Variants in SERAC1 observed in about 807,000 individuals in gnomAD.
SERAC1 encodes the protein protein SERAC1.
Under a neutral mutation model 85.7 loss-of-function variants are expected in SERAC1, and 36 were observed. The ratio of observed to expected loss-of-function variants is 0.42; its 90% CI spans 0.32 to 0.55. The LOEUF is 0.55. Among genes scored for constraint, SERAC1 ranks in the 20% least tolerant of loss-of-function variants. The pLI, the probability that SERAC1 is intolerant of heterozygous loss-of-function variation, is 0.11. For missense variants in SERAC1, 629 were observed against 796.2 expected (o/e 0.79, Z 2.53); for synonymous variants, 242 against 265.3 (o/e 0.91, Z 0.85).
chr6:158,160,528 T>G (rs1355800384), intron 1 of SERAC1, among the ~76,000 whole-genome samples: 1 of 152,214 alleles, frequency 6.6e-6, no homozygotes, highest in Non-Finnish European at 1.5e-5. Flanking sequence ...TCCTTGCCAG[T>G]TTTCTAAGTA....
rs756088574 is a variant in SERAC1, at chr6:158,114,970, A to T, written c.1503T>A (p.Gly501=). ...CCAACAGCATCTTTTTGACAAGAAG[A>T]CCTAGCCACAGACAAGGGAAAAAAA... is the stretch of plus-strand genomic sequence containing the variant. ...PVVWISHSMG[G]LLVKKMLLEA... is the part of the protein sequence containing the mutation. Residue 501 remains glycine (G), a splice_region_variant and synonymous_variant, in exon 15 of 17, where the codon GGT becomes GGA. Coordinates refer to ENST00000647468, the MANE Select transcript of SERAC1 (RefSeq NM_032861.4). 6.2e-7 allele frequency: 1 copy of T among 1,608,814 alleles called. No individual in the cohort carries two copies.
intron 1 of SERAC1, among the ~76,000 whole-genome samples, chr6:158,166,446 T>C (rs1352771140): frequency 6.6e-6 from 1 of 151,780 alleles, no homozygotes; most frequent in Non-Finnish European, 1.5e-5. Context: ...AGACCTTATT[T>C]TTCTTCTTCT....
chr6:158,126,553 TA>T (rs1394430083), intron 10 of SERAC1, among the ~76,000 whole-genome samples: 1 of 152,044 alleles, frequency 6.6e-6, no homozygotes, highest in Non-Finnish European at 1.5e-5. Flanking sequence ...TGCTAAAAAG[TA>T]ACTGCAGAGG....
intron 15 of SERAC1, chr6:158,114,515 TAAAAGC>T (rs1392864284): frequency 5.0e-6 from 6 of 1,193,786 alleles, no homozygotes; most frequent in Non-Finnish European, 5.2e-6. Flanking sequence ...GAATAATACT[TAAAAGC>T]AAAACATTAT....
intron 13 of SERAC1, chr6:158,116,871 C>T (rs1784302478): frequency 1.3e-5 from 2 of 152,752 alleles, no homozygotes; most frequent in Non-Finnish European, 2.9e-5. Context: ...TTTAGAAAAA[C>T]TAGAATGAGT....
intron 1 of SERAC1, among the ~76,000 whole-genome samples, chr6:158,165,930 G>A (rs1785588240): frequency 6.6e-6 from 1 of 152,072 alleles, no homozygotes; most frequent in African/African-American, 2.4e-5. Context: ...ATCCTTCTCA[G>A]AGACATTTAA....
In SERAC1 at chr6:158,146,801, C is replaced by T. The variant is rs376272329; in HGVS notation, c.468G>A (p.Ser156=). ...TTRLEAVREM[S]ETHHWHDYQY... is the part of the protein sequence containing the mutation. ...CATTACCATGCCAGTGATGGGTCTCCGACATTTCCCGCACAGCCTCGAGTC... is the reference window on the plus strand; with the variant it reads ...CATTACCATGCCAGTGATGGGTCTCTGACATTTCCCGCACAGCCTCGAGTC... The change falls in exon 6 of 17, where the codon TCG becomes TCA. Residue 156 remains serine (S), a synonymous_variant. Coordinates refer to ENST00000647468, the MANE Select transcript of SERAC1 (RefSeq NM_032861.4). The T allele has an allele frequency of 4.3e-6, 7 of 1,613,638 alleles. No individual in the cohort carries two copies. Among genetic ancestry groups the T allele is most frequent in the Admixed American group, 3.3e-5 (2 of 59,994 alleles).
chr6:158,118,124 G>T (rs1257066267), intron 12 of SERAC1, among the ~76,000 whole-genome samples: 4 of 152,170 alleles, frequency 2.6e-5, no homozygotes, highest in Non-Finnish European at 4.4e-5. Flanking sequence ...CTTTTTGAAA[G>T]AATTTAGTAG....
intron 10 of SERAC1, among the ~76,000 whole-genome samples, chr6:158,124,452 T>TA (rs1784490039): frequency 6.6e-6 from 1 of 152,180 alleles, no homozygotes; most frequent in South Asian, 2.1e-4. Context: ...AACCCATCAA[T>TA]ACAAGGTATT....
rs1487666686 is a variant in SERAC1, at chr6:158,117,602, T to C, written c.1403+125A>G. 1.3e-6 allele frequency: 2 copies of C among 1,560,982 alleles called. No individual in the cohort carries two copies. The highest frequency in any genetic ancestry group is 4.7e-5 in the East Asian group (2 of 42,410). ...TAGAAGGAAGACAAAAAAGATTAGGTTTGTTCTTCATAAGAAAATCCTGTC... is the reference window on the plus strand; with the variant it reads ...TAGAAGGAAGACAAAAAAGATTAGGCTTGTTCTTCATAAGAAAATCCTGTC... On this transcript the variant is annotated intron_variant, in intron 13 of 16. Coordinates refer to ENST00000647468, the MANE Select transcript of SERAC1 (RefSeq NM_032861.4). The surrounding 1 kb of genome is among the most constrained non-coding windows in gnomAD (Gnocchi z 4.3).
At chr6:158,136,546 T>A (rs1784797889) in intron 8 of SERAC1, among the ~76,000 whole-genome samples, 1 of 152,176 alleles carries the variant, frequency 6.6e-6, no homozygotes, top group Non-Finnish European at 1.5e-5. Context: ...GTGCAGTGGC[T>A]GTTCACAGAA....
At position 158,111,062 on chromosome 6, in the gene SERAC1, A is replaced by C. The variant is rs948744535; in HGVS notation, c.*304T>G. On this transcript the variant is annotated 3_prime_UTR_variant, in exon 17 of 17. Transcript: ENST00000647468. ...CCAGGAAAGTCACAGATGGGAAAGG[A>C]CACTCTCTCACAGCAGCTTTGCTCC... 5 of 193,964 alleles carry C rather than the reference A, an allele frequency of 2.6e-5. No homozygotes were observed. The highest frequency in any genetic ancestry group is 1.2e-4 in the African/African-American group (5 of 42,920). 12.0% of individuals were successfully genotyped at this position (193,964 alleles called of 1,614,324 possible).
At chr6:158,130,339 A>T in intron 9 of SERAC1, 34 bp downstream of exon 9, 1 of 1,240,620 alleles carries the variant, frequency 8.1e-7, no homozygotes, top group Non-Finnish European at 1.1e-6. Flanking sequence ...ATAAAATCAT[A>T]AAAAGTAAAC....
Position 158,158,473 on chromosome 6 carries a change from C to G in SERAC1, c.-1-109G>C, listed in dbSNP as rs568760510. On this transcript the variant is annotated intron_variant, in intron 1 of 16. Transcript: ENST00000647468. ...CACAGTGGATGACCCACAGAGTTAG[C>G]TTTTTCAAGACTACGAAGAAAACTT... The G allele has an allele frequency of 3.3e-5, 24 of 719,572 alleles. No individual in the cohort carries two copies. In the East Asian group the frequency reaches 5.3e-4, roughly 16 times the overall value. The allele number at this position is 719,572 out of a possible 1,614,324, so 44.6% of individuals were successfully genotyped here. A position where few individuals can be genotyped will look rare whatever the true frequency, so the allele number is the denominator to read the frequency against.
In SERAC1 at chr6:158,117,697, GTCC is replaced by G; in HGVS notation, c.1403+27_1403+29del. 1.2e-6 allele frequency: 2 copies of G among 1,612,492 alleles called. No homozygotes were observed. Among genetic ancestry groups the G allele is most frequent in the Non-Finnish European group, 1.7e-6 (2 of 1,178,662 alleles). ...AAACTTGCGGCCTGAATTCTTCCCT[GTCC>G]TCCTGGTCTAAAGTCGCCTCTGTTA... On this transcript the variant is annotated intron_variant, in intron 13 of 16. Coordinates refer to ENST00000647468, the MANE Select transcript of SERAC1 (RefSeq NM_032861.4). This position sits in a 1 kb window ranked among gnomAD's most constrained non-coding sequence, Gnocchi z 4.3.
chr6:158,145,379 T>C (rs1209532150), intron 6 of SERAC1: 1 of 152,176 alleles, frequency 6.6e-6, no homozygotes, highest in Non-Finnish European at 1.5e-5. Context: ...AGGCAAATTT[T>C]GAAAAATATT....
Position 158,119,605 on chromosome 6 carries a change from C to G in SERAC1, c.1167-435G>C, listed in dbSNP as rs147217817. ...CAAAAATGTGTTAAGGAAACTAATA[C>G]TTATAAAATGAGATTTCAAAGTAAC... is the stretch of plus-strand genomic sequence containing the variant. On this transcript the variant is annotated intron_variant, in intron 11 of 16. Transcript: ENST00000647468. This position sits in a 1 kb window ranked among gnomAD's most constrained non-coding sequence, Gnocchi z 4.5. Among the ~76,000 whole-genome samples, 796 of 152,258 alleles carry G rather than the reference C, an allele frequency of 5.2e-3. 12 individuals are homozygous for G. The highest frequency in any genetic ancestry group is 0.017 in the African/African-American group (710 of 41,552).
At chr6:158,145,458 A>T (rs574792586) in intron 6 of SERAC1, 8 of 152,072 alleles carry the variant, frequency 5.3e-5, no homozygotes, top group Admixed American at 3.3e-4. Context: ...TATAGCCACC[A>T]ACCAATTAAC....
At chr6:158,158,404 T>C (rs758148293) in intron 1 of SERAC1, 40 bp from the exon 2 acceptor site, 4 of 1,472,316 alleles carry the variant, frequency 2.7e-6, no homozygotes, top group Non-Finnish European at 3.8e-6. Flanking sequence ...TAATTTAGCA[T>C]CTAAATCAAA....
Sources: gnomAD v4.1 joint callset for allele counts (sites outside exome capture counted in the v4.1 genomes callset) on GRCh38, gnomAD v4.1.1 for gene constraint, Gnocchi (gnomAD v3.1) non-coding constraint, MANE v1.5 for transcripts, NCBI Gene and HGNC (gene_info 2026-07-23, HGNC 2026-07-21) for gene names.